Variants in TENT4A observed in about 807,000 individuals in gnomAD.
TENT4A encodes DNA polymerase kappa.
In TENT4A, 7 loss-of-function variants were observed where a neutral mutation model predicts 72.8. The observed-to-expected ratio is 0.10, with a 90% CI of 0.05 to 0.18. The LOEUF is 0.18. Ranked by LOEUF, TENT4A falls within the 10% of genes least tolerant of loss-of-function variation. The pLI, the probability that TENT4A is intolerant of heterozygous loss-of-function variation, is 1.00. For missense variants in TENT4A, 831 were observed against 1,017.7 expected (o/e 0.82, Z 2.50); for synonymous variants, 456 against 434.3 (o/e 1.05, Z -0.62).
intron 2 of TENT4A, 111 bp downstream of exon 2, chr5:6,737,744 G>T: frequency 8.1e-7 from 1 of 1,228,534 alleles, no homozygotes. Flanking sequence ...TCGTTGGCCC[G>T]AGGCAGCAGT....
At chr5:6,748,769 A>T (rs544288749) in intron 8 of TENT4A, among the ~76,000 whole-genome samples, 179 bp downstream of exon 8, 2 of 152,278 alleles carry the variant, frequency 1.3e-5, no homozygotes, top group East Asian at 3.9e-4. Flanking sequence ...TGTGGGATTC[A>T]TCCATGGTTG....
chr5:6,718,600 A>G lies in TENT4A; in HGVS notation c.716+3901A>G, dbSNP rs1348834640. ...TTGTGAAGAGAAGCGTGTATGTATG[A>G]TCACACTAAGCAGATACTTGCTCCT... On this transcript the variant is annotated intron_variant, in intron 1 of 12. Transcript: ENST00000230859. Among the ~76,000 whole-genome samples, 3 of 152,362 alleles carry G rather than the reference A, an allele frequency of 2.0e-5. No homozygotes were observed. In the East Asian group the frequency reaches 5.8e-4, roughly 29 times the overall value.
chr5:6,735,161 G>T (rs532144096), intron 1 of TENT4A, among the ~76,000 whole-genome samples: 1 of 152,316 alleles, frequency 6.6e-6, no homozygotes, highest in South Asian at 2.1e-4. Flanking sequence ...AAATCTGGGG[G>T]ATGTGGATAG....
At position 6,739,809 on chromosome 5, in the gene TENT4A, A is replaced by G. The variant is rs772983697; in HGVS notation, c.965A>G (p.Asn322Ser). 2 of 1,614,232 alleles carry G rather than the reference A, an allele frequency of 1.2e-6. No individual in the cohort carries two copies. Among genetic ancestry groups the G allele is most frequent in the African/African-American group, 1.3e-5 (1 of 75,058 alleles). The change falls in exon 4 of 13, where the codon AAC becomes AGC. Residue 322 changes from asparagine (N) to serine (S), a missense_variant. Coordinates refer to ENST00000230859, the MANE Select transcript of TENT4A (RefSeq NM_006999.6). ...CTGGAGCAAGCCCTGCGGAAGCACAACGTGGCTGAGCCGTGTTCCATCAAA... is the reference window on the plus strand; with the variant it reads ...CTGGAGCAAGCCCTGCGGAAGCACAGCGTGGCTGAGCCGTGTTCCATCAAA... ...QLLEQALRKH[N>S]VAEPCSIKVL...
At chr5:6,723,326 G>T (rs1397603420) in intron 1 of TENT4A, among the ~76,000 whole-genome samples, 1 of 152,190 alleles carries the variant, frequency 6.6e-6, no homozygotes. Context: ...ATTTTTGCAC[G>T]CAGGTTAATG....
Position 6,714,313 on chromosome 5 carries a change from C to T in TENT4A, c.330C>T (p.Ser110=). The T allele has an allele frequency of 9.0e-7, 1 of 1,111,108 alleles. No individual in the cohort carries two copies. Among genetic ancestry groups the T allele is most frequent in the Non-Finnish European group, 1.1e-6 (1 of 911,530 alleles). 68.8% of individuals were successfully genotyped at this position (1,111,108 alleles called of 1,614,324 possible). Residue 110 remains serine, a synonymous_variant, in exon 1 of 13, where the codon TCC becomes TCT. Coordinates refer to ENST00000230859, the MANE Select transcript of TENT4A (RefSeq NM_006999.6). The stretch of plus-strand genomic sequence containing the variant: ...TGCACAAGTCGCCGTCGCTGTCGTC[C>T]TCGTCGTCGTCCTCCTCGTCCAACG... ...RRLHKSPSLS[S]SSSSSSSNAE...
intron 1 of TENT4A, among the ~76,000 whole-genome samples, chr5:6,716,457 C>G (rs1276938832): frequency 6.6e-6 from 1 of 152,210 alleles, no homozygotes; most frequent in African/African-American, 2.4e-5. Flanking sequence ...CACACCTCAT[C>G]CTCCCTCATG....
At chr5:6,715,696 C>G (rs574876169) in intron 1 of TENT4A, among the ~76,000 whole-genome samples, 1 of 152,282 alleles carries the variant, frequency 6.6e-6, no homozygotes, top group East Asian at 1.9e-4. Flanking sequence ...TTATAGTAAA[C>G]TTTTGCTTGT....
At chr5:6,739,171 C>G (rs559382746) in intron 3 of TENT4A, among the ~76,000 whole-genome samples, 2 of 152,154 alleles carry the variant, frequency 1.3e-5, no homozygotes, top group African/African-American at 4.8e-5. Context: ...AAAATACAAA[C>G]TAGTATTTTC....
chr5:6,716,771 AG>A (rs1317258974), intron 1 of TENT4A, among the ~76,000 whole-genome samples: 3 of 152,222 alleles, frequency 2.0e-5, no homozygotes, highest in African/African-American at 7.2e-5. Flanking sequence ...AGTATGGTGT[AG>A]GGCATGAGAG....
chr5:6,733,489 C>G (rs886442771), intron 1 of TENT4A, among the ~76,000 whole-genome samples: 1 of 152,234 alleles, frequency 6.6e-6, no homozygotes, highest in Admixed American at 6.5e-5. Context: ...GAAATTTCTT[C>G]GATTTGGAGA....
rs1174965965 is a variant in TENT4A, at chr5:6,713,962, G to T, written c.-22G>T. 1.0e-6 allele frequency: 1 copy of T among 952,806 alleles called. No homozygotes were observed. The highest frequency in any genetic ancestry group is 1.2e-6 in the Non-Finnish European group (1 of 803,250). The allele number at this position is 952,806 out of a possible 1,614,324, so 59.0% of individuals were successfully genotyped here. ...CGCGTCGGGGCGGGCGGGCGCGCGG[G>T]CCCCGCGGGGGCGGCGCGTGGATGG... On this transcript the variant is annotated 5_prime_UTR_variant, in exon 1 of 13. Transcript: ENST00000230859.
chr5:6,713,730 C>T lies in TENT4A; in HGVS notation c.-254C>T, dbSNP rs1388419220. 2.0e-5 allele frequency: 3 copies of T among 146,624 alleles called. No homozygotes were observed. Among genetic ancestry groups the T allele is most frequent in the Admixed American group, 6.8e-5 (1 of 14,684 alleles). The allele number at this position is 146,624 out of a possible 1,614,324, so 9.1% of individuals were successfully genotyped here. On this transcript the variant is annotated 5_prime_UTR_variant, in exon 1 of 13. Coordinates refer to ENST00000230859, the MANE Select transcript of TENT4A (RefSeq NM_006999.6). Reference sequence around the variant, plus strand: ...GACCGCAGCCGCCCGCTGGGACGCGCCAAGCGCCGGAGCCGCCCGCCGCGG... The same window carrying T: ...GACCGCAGCCGCCCGCTGGGACGCGTCAAGCGCCGGAGCCGCCCGCCGCGG...
At chr5:6,738,272 G>A (rs1282244494) in intron 2 of TENT4A, among the ~76,000 whole-genome samples, 1 of 152,106 alleles carries the variant, frequency 6.6e-6, no homozygotes, top group Admixed American at 6.5e-5. Flanking sequence ...CTCTTGGTGG[G>A]CAAGGGCAAC....
At chr5:6,739,999 A>T in intron 4 of TENT4A, 147 bp downstream of exon 4, 1 of 743,374 alleles carries the variant, frequency 1.3e-6, no homozygotes, top group East Asian at 2.8e-5. Context: ...TGGTATAGAC[A>T]TGTGTTTTAT....
At chr5:6,751,437 C>CTTTT (rs767206564) in intron 11 of TENT4A, 144,943 of 484,156 alleles carry the variant, frequency 0.3, 23,034 homozygotes, top group East Asian at 0.38. Flanking sequence ...TTCACGGGGG[C>CTTTT]CAGGTTGACT....
At chr5:6,739,675 C>T (rs1241610152) in intron 3 of TENT4A, 57 bp from the exon 4 acceptor site, 66 of 1,599,948 alleles carry the variant, frequency 4.1e-5, no homozygotes, top group Non-Finnish European at 5.3e-5. Flanking sequence ...CCTCCCCACA[C>T]GAGTGTGTAG....
rs979309851 is a variant in TENT4A, at chr5:6,748,191, G to A, written c.1460-273G>A. The stretch of plus-strand genomic sequence containing the variant: ...CCGTCTGTGAATGGCAGCCGCCTCC[G>A]TGAGGTGGGCCATGAGCACAGGGGC... On this transcript the variant is annotated intron_variant, in intron 7 of 12. Transcript: ENST00000230859. Among the ~76,000 whole-genome samples, 7 of 152,222 alleles carry A rather than the reference G, an allele frequency of 4.6e-5. No individual in the cohort carries two copies. In the East Asian group the frequency reaches 5.8e-4, roughly 13 times the overall value.
chr5:6,713,866 G>GGC lies in TENT4A; in HGVS notation c.-118_-117insGC, dbSNP rs1740217293. 5.1e-6 allele frequency: 1 copy of GGC among 195,784 alleles called. No individual in the cohort carries two copies. The highest frequency in any genetic ancestry group is 1.9e-4 in the East Asian group (1 of 5,226). 12.1% of individuals were successfully genotyped at this position (195,784 alleles called of 1,614,324 possible). ...GCCCGCCGCCGCCGCCGCCGCCGCCGCCACCGGCCCAGGCCCGTCCGTCCG... is the reference window on the plus strand; with the variant it reads ...GCCCGCCGCCGCCGCCGCCGCCGCCGGCCCACCGGCCCAGGCCCGTCCGTCCG... On this transcript the variant is annotated 5_prime_UTR_variant, in exon 1 of 13. Coordinates refer to ENST00000230859, the MANE Select transcript of TENT4A (RefSeq NM_006999.6).
Sources: gnomAD v4.1 joint callset for allele counts (sites outside exome capture counted in the v4.1 genomes callset) on GRCh38, gnomAD v4.1.1 for gene constraint, MANE v1.5 for transcripts, NCBI Gene and HGNC (gene_info 2026-07-23, HGNC 2026-07-21) for gene names.